The following NAAA variants were observed in gnomAD, a reference collection of about 807,000 sequenced individuals.
The protein encoded by NAAA is N-acylethanolamine-hydrolyzing acid amidase.
NAAA carries 39 observed loss-of-function variants against 44.8 expected under a neutral mutation model. The ratio of observed to expected loss-of-function variants is 0.87; its 90% CI spans 0.67 to 1.14. NAAA has a LOEUF of 1.14. Ranked by LOEUF, NAAA falls within the 50% of genes most tolerant of loss-of-function variation. The pLI is 0.00. For missense variants in NAAA, 460 were observed against 467.8 expected (o/e 0.98, Z 0.15); for synonymous variants, 178 against 191.3 (o/e 0.93, Z 0.58).
At position 75,919,978 on chromosome 4, in the gene NAAA, G is replaced by A. The variant is rs114498428; in HGVS notation, c.903-3C>T. The A allele has an allele frequency of 4.9e-4, 791 of 1,613,636 alleles. 2 individuals carry two copies. The African/African-American group carries it at 9.1e-3, about 19-fold the overall frequency. The stretch of plus-strand genomic sequence containing the variant: ...TAAGGGCCTTGATGGCAGATGTTCT[G>A]TAAGGACAAAGGTCGAAGGTCACTT... On this transcript the variant is annotated splice_region_variant and splice_polypyrimidine_tract_variant and intron_variant, in intron 7 of 10. Coordinates refer to ENST00000286733, the MANE Select transcript of NAAA (RefSeq NM_014435.4).
intron 8 of NAAA, 171 bp downstream of exon 8, chr4:75,919,738 A>G (rs1273794063): frequency 1.5e-6 from 1 of 660,596 alleles, no homozygotes; most frequent in East Asian, 2.7e-5. Flanking sequence ...TAGGCCTCCC[A>G]AAGTGCTGGG....
intron 9 of NAAA, among the ~76,000 whole-genome samples, chr4:75,915,315 C>T (rs1725536340): frequency 1.3e-5 from 2 of 152,118 alleles, no homozygotes; most frequent in South Asian, 4.2e-4. Flanking sequence ...CGCCACTGCA[C>T]TCCAGCCTGG....
intron 8 of NAAA, among the ~76,000 whole-genome samples, chr4:75,919,158 C>T (rs576785963): frequency 2.6e-5 from 4 of 152,180 alleles, no homozygotes; most frequent in South Asian, 2.1e-4. Context: ...TCTCCTGCCT[C>T]GGCATCCCAA....
intron 9 of NAAA, among the ~76,000 whole-genome samples, chr4:75,918,459 A>G (rs1725834069): frequency 6.7e-6 from 1 of 149,596 alleles, no homozygotes; most frequent in East Asian, 1.9e-4. Flanking sequence ...TGGCTCAAGA[A>G]AAAAAAAAAT....
At chr4:75,922,433 T>C (rs1259115293) in intron 5 of NAAA, among the ~76,000 whole-genome samples, 1 of 151,678 alleles carries the variant, frequency 6.6e-6, no homozygotes, top group Non-Finnish European at 1.5e-5. Context: ...GTAGGTCATA[T>C]GATCCCCTTT....
chr4:75,935,526 T>C (rs528032458), intron 3 of NAAA: 1 of 152,654 alleles, frequency 6.6e-6, no homozygotes, highest in East Asian at 1.9e-4. Flanking sequence ...GAAAGTGGTG[T>C]GGGTCAATCA....
intron 4 of NAAA, among the ~76,000 whole-genome samples, chr4:75,926,095 A>T (rs1392437943): frequency 6.6e-6 from 1 of 152,204 alleles, no homozygotes; most frequent in Non-Finnish European, 1.5e-5. Flanking sequence ...CTCACATTTT[A>T]AAAAAATACA....
chr4:75,924,882 T>A (rs988477193), intron 5 of NAAA, among the ~76,000 whole-genome samples: 22 of 152,206 alleles, frequency 1.4e-4, no homozygotes, highest in African/African-American at 5.3e-4. Context: ...CCCCTTAAAG[T>A]GCCTGTCTGA....
chr4:75,936,311 AAAAC>A, intron 2 of NAAA, 76 bp from the exon 3 acceptor site: 1 of 1,518,844 alleles, frequency 6.6e-7, no homozygotes, highest in African/African-American at 1.4e-5. Flanking sequence ...TTTCATTTGT[AAAAC>A]AAATCCTCAA....
At chr4:75,930,541 C>A in intron 4 of NAAA, 1 of 511,544 alleles carries the variant, frequency 2.0e-6, no homozygotes, top group Non-Finnish European at 3.9e-6. Context: ...ACAAATGTGG[C>A]TTGTATAACA....
intron 9 of NAAA, among the ~76,000 whole-genome samples, 184 bp from the exon 10 acceptor site, chr4:75,915,169 A>G (rs923270821): frequency 8.5e-5 from 13 of 152,134 alleles, no homozygotes; most frequent in Non-Finnish European, 1.5e-4. Flanking sequence ...AACACTGTGG[A>G]AGGCCAAGTT....
Position 75,918,784 on chromosome 4 carries a change from CA to C in NAAA, c.974del (p.Leu325CysfsTer16), listed in dbSNP as rs1560500355. 1 of 1,612,508 alleles carries C rather than the reference CA, an allele frequency of 6.2e-7. No individual in the cohort carries two copies. The highest frequency in any genetic ancestry group is 1.1e-5 in the South Asian group (1 of 91,056). ...NLSLEALFQI[L>X]SVVPVYNNFT... Reference sequence around the variant, plus strand: ...ACTTGTTATAAACTGGAACCACCGACAAAATCTGCATAGGAAAAAGTCATTT... The same window carrying C: ...ACTTGTTATAAACTGGAACCACCGACAAATCTGCATAGGAAAAAGTCATTT... On this transcript the variant is annotated frameshift_variant, in exon 9 of 11. Coordinates refer to ENST00000286733, the MANE Select transcript of NAAA (RefSeq NM_014435.4). LOFTEE classifies it high-confidence loss of function.
At chr4:75,929,689 G>A (rs368033539) in intron 4 of NAAA, among the ~76,000 whole-genome samples, 1 of 152,170 alleles carries the variant, frequency 6.6e-6, no homozygotes, top group South Asian at 2.1e-4. Context: ...TGACATATGA[G>A]AAAATGTGGA....
At chr4:75,940,297 G>C in intron 1 of NAAA, 132 bp from the exon 2 acceptor site, 1 of 909,060 alleles carries the variant, frequency 1.1e-6, no homozygotes, top group Non-Finnish European at 1.6e-6. Context: ...TCAGTGGACC[G>C]CCCAGGCGCG....
intron 4 of NAAA, among the ~76,000 whole-genome samples, chr4:75,926,289 G>A (rs879875025): frequency 5.9e-5 from 9 of 152,028 alleles, no homozygotes; most frequent in African/African-American, 2.2e-4. Flanking sequence ...AGCCAGGTGT[G>A]GTGACTCATG....
At chr4:75,927,637 C>T (rs757947785) in intron 4 of NAAA, among the ~76,000 whole-genome samples, 8 of 24,406 alleles carry the variant, frequency 3.3e-4, no homozygotes, top group Non-Finnish European at 1.0e-3. Flanking sequence ...TTTAATGCCC[C>T]CCCCCCCCCC....
At chr4:75,934,603 A>G (rs1256912081) in intron 3 of NAAA, among the ~76,000 whole-genome samples, 1 of 151,886 alleles carries the variant, frequency 6.6e-6, no homozygotes, top group Non-Finnish European at 1.5e-5. Flanking sequence ...TTGGGATTAC[A>G]GGCGTGAGCC....
chr4:75,938,403 G>A (rs1330378676), intron 2 of NAAA, among the ~76,000 whole-genome samples: 1 of 152,202 alleles, frequency 6.6e-6, no homozygotes, highest in Non-Finnish European at 1.5e-5. Context: ...TTTTCATTGA[G>A]AAAGCTGTAA....
intron 10 of NAAA, 149 bp from the exon 11 acceptor site, chr4:75,914,487 A>C (rs1578029000): frequency 8.2e-6 from 2 of 243,992 alleles, no homozygotes; most frequent in South Asian, 1.4e-4. Context: ...TGATTCTCCT[A>C]CCTCAGCTCC....
Sources: allele counts gnomAD v4.1 joint callset (sites outside exome capture counted in the v4.1 genomes callset), GRCh38; gene constraint gnomAD v4.1.1; transcripts MANE v1.5; gene names NCBI Gene and HGNC (gene_info 2026-07-23, HGNC 2026-07-21).